Variants in RNF126 observed in about 807,000 individuals in gnomAD.
RNF126 encodes ring finger protein 126.
In RNF126, 20 loss-of-function variants were observed where a neutral mutation model predicts 41.9. The ratio of observed to expected loss-of-function variants is 0.48; its 90% CI spans 0.34 to 0.69. The LOEUF (loss-of-function observed/expected upper bound fraction) is 0.69, where lower values mean the gene tolerates loss of function less well. Among genes scored for constraint, RNF126 ranks in the 30% least tolerant of loss-of-function variants. The probability of loss-of-function intolerance (pLI) is 0.01; values close to 1 mark genes in which losing one functional copy is unlikely to be tolerated. For missense variants in RNF126, 433 were observed against 460.6 expected (o/e 0.94, Z 0.55); for synonymous variants, 239 against 202.9 (o/e 1.18, Z -1.51).
chr19:654,126 A>C (rs1420054143), intron 1 of RNF126, among the ~76,000 whole-genome samples: 1 of 152,232 alleles, frequency 6.6e-6, no homozygotes, highest in Admixed American at 6.5e-5. Flanking sequence ...GCCCCCGCCC[A>C]CACCACGCCG....
chr19:655,621 C>G (rs550651721), intron 1 of RNF126, among the ~76,000 whole-genome samples: 114 of 152,072 alleles, frequency 7.5e-4, no homozygotes, highest in South Asian at 4.8e-3. Flanking sequence ...AAGACCCCGT[C>G]AGGCCTGCTG....
In RNF126 at chr19:647,898, G is replaced by A. The variant is rs749822416; in HGVS notation, c.*230C>T. The A allele has an allele frequency of 1.5e-6, 1 of 645,230 alleles. No homozygotes were observed. The highest frequency in any genetic ancestry group is 2.8e-6 in the Non-Finnish European group (1 of 361,748). The allele number at this position is 645,230 out of a possible 1,614,324, so 40.0% of individuals were successfully genotyped here. A position where few individuals can be genotyped will look rare whatever the true frequency, so the allele number is the denominator to read the frequency against. The stretch of plus-strand genomic sequence containing the variant: ...GCTGAACGTTTAGAGGGTGAGGTTA[G>A]ACAGAGGACGGGGAGGCTGGGGACG... On this transcript the variant is annotated 3_prime_UTR_variant, in exon 9 of 9. Transcript: ENST00000292363.
intron 1 of RNF126, among the ~76,000 whole-genome samples, chr19:656,990 C>A (rs28418740): frequency 2.0e-5 from 3 of 152,142 alleles, no homozygotes; most frequent in Non-Finnish European, 4.4e-5. Flanking sequence ...TAGCTCAGGG[C>A]TCAGGCTCTC....
At chr19:648,335 C>A (rs376778263) in intron 8 of RNF126, 37 bp downstream of exon 8, 7 of 224,338 alleles carry the variant, frequency 3.1e-5, no homozygotes, top group East Asian at 4.8e-4. Context: ...GGGAGGGCCG[C>A]GGTCGGGGTG....
In RNF126 at chr19:659,024, C is replaced by T. The variant is rs1452669714; in HGVS notation, c.75+4023G>A. On this transcript the variant is annotated intron_variant, in intron 1 of 8. Transcript: ENST00000292363. The surrounding 1 kb of genome is among the most constrained non-coding windows in gnomAD (Gnocchi z 4.9). ...AGGTTCCCGGGGTATTGCTGGTGCC[C>T]GATCACAACGCCAGGCTCCATGTTC... Among the ~76,000 whole-genome samples the T allele has an allele frequency of 2.0e-5, 3 of 152,276 alleles. No individual in the cohort carries two copies. Among genetic ancestry groups the T allele is most frequent in the East Asian group, 3.9e-4 (2 of 5,176 alleles).
chr19:652,419 C>T (rs1199854653), intron 2 of RNF126, 123 bp from the exon 3 acceptor site: 4 of 845,316 alleles, frequency 4.7e-6, no homozygotes, highest in Non-Finnish European at 7.3e-6. Context: ...TTCCCACCCG[C>T]CACCGCCCCA....
intron 1 of RNF126, among the ~76,000 whole-genome samples, chr19:660,334 AG>A (rs2030744202): frequency 6.6e-6 from 1 of 152,240 alleles, no homozygotes; most frequent in Non-Finnish European, 1.5e-5. Context: ...CCCAGAGCCC[AG>A]GACAGCAAAG....
intron 1 of RNF126, among the ~76,000 whole-genome samples, 173 bp from the exon 2 acceptor site, chr19:653,057 C>T (rs947880325): frequency 3.9e-5 from 6 of 152,184 alleles, no homozygotes; most frequent in Non-Finnish European, 5.9e-5. Flanking sequence ...GGGACCTGGC[C>T]TCTGCCAGCC....
intron 4 of RNF126, chr19:650,584 C>T (rs1470387467): frequency 8.0e-4 from 58 of 72,268 alleles, no homozygotes; most frequent in Middle Eastern, 0.013. Flanking sequence ...CTCTCGGCTA[C>T]TTTTTTTTTT....
At chr19:650,536 GC>G in intron 4 of RNF126, 1 of 310,940 alleles carries the variant, frequency 3.2e-6, no homozygotes, top group Non-Finnish European at 5.9e-6. Context: ...TCCCGCCTCA[GC>G]CTCCCAAGTA....
chr19:661,743 C>T (rs2030811648), intron 1 of RNF126, among the ~76,000 whole-genome samples: 1 of 152,216 alleles, frequency 6.6e-6, no homozygotes, highest in Admixed American at 6.5e-5. Context: ...TTGGACTTCT[C>T]TTACGGGTCA....
intron 2 of RNF126, chr19:652,615 G>C: frequency 1.6e-6 from 1 of 612,924 alleles, no homozygotes; most frequent in South Asian, 2.0e-5. Flanking sequence ...CGGCTGCACA[G>C]GTTGCCGGCA....
chr19:652,700 G>T lies in RNF126; in HGVS notation c.134+126C>A, dbSNP rs73503985. 222 of 837,690 alleles carry T rather than the reference G, an allele frequency of 2.7e-4. No homozygotes were observed. The African/African-American group carries it at 3.3e-3, about 12-fold the overall frequency. The allele number at this position is 837,690 out of a possible 1,614,324, so 51.9% of individuals were successfully genotyped here. On this transcript the variant is annotated intron_variant, in intron 2 of 8. Transcript: ENST00000292363. ...TGTCTGCACAGAGAAAAGTGCTCCCGGAGCCACAGACACCAGGGCCTGACG... is the reference window on the plus strand; with the variant it reads ...TGTCTGCACAGAGAAAAGTGCTCCCTGAGCCACAGACACCAGGGCCTGACG...
chr19:648,618 C>A, intron 7 of RNF126, 131 bp from the exon 8 acceptor site: 1 of 753,718 alleles, frequency 1.3e-6, no homozygotes, highest in Admixed American at 2.3e-5. Context: ...GTGTGTGTGT[C>A]CCCCGGGCTG....
chr19:652,802 CTCT>C (rs2078642756), intron 2 of RNF126, 21 bp downstream of exon 2: 1 of 1,610,950 alleles, frequency 6.2e-7, no homozygotes, highest in African/African-American at 1.3e-5. Flanking sequence ...CTCTTCCAGC[CTCT>C]TCAACAGGGG....
chr19:651,449 C>G (rs934351717), intron 4 of RNF126, 162 bp downstream of exon 4: 1 of 602,652 alleles, frequency 1.7e-6, no homozygotes, highest in South Asian at 3.4e-5. Context: ...TCCGAAGGGC[C>G]GTGTGGGGAG....
Position 652,238 on chromosome 19 carries a change from A to G in RNF126, c.193T>C (p.Leu65=), listed in dbSNP as rs11554788. The G allele has an allele frequency of 0.36, 556,604 of 1,530,236 alleles. 104,649 individuals carry two copies. The highest frequency in any genetic ancestry group is 0.47 in the Middle Eastern group (2,710 of 5,782). 94.8% of individuals were successfully genotyped at this position (1,530,236 alleles called of 1,614,324 possible). A position where few individuals can be genotyped will look rare whatever the true frequency, so the allele number is the denominator to read the frequency against. Residue 65 remains leucine, a synonymous_variant, in exon 3 of 9, where the codon TTG becomes CTG. Coordinates refer to ENST00000292363, the MANE Select transcript of RNF126 (RefSeq NM_194460.3). The part of the protein sequence containing the change: ...TAPTDQSRPP[L]EHVDQHLFTL... ...ACGAGGGGCGGGCGACTCACCTCCA[A>G]CGGTGGCCGGCTCTGGTCTGTGGGA...
At chr19:650,357 C>G in intron 4 of RNF126, 61 bp from the exon 5 acceptor site, 1 of 1,470,724 alleles carries the variant, frequency 6.8e-7, no homozygotes, top group Non-Finnish European at 9.3e-7. Flanking sequence ...AGGCGCCAGG[C>G]CTGCCAGGTC....
intron 5 of RNF126, 84 bp from the exon 6 acceptor site, chr19:649,832 C>T: frequency 8.8e-7 from 1 of 1,138,578 alleles, no homozygotes; most frequent in South Asian, 1.3e-5. Context: ...GGGGCCCAGG[C>T]TGGGGATGGG....
Sources: allele counts gnomAD v4.1 joint callset (sites outside exome capture counted in the v4.1 genomes callset), GRCh38; gene constraint gnomAD v4.1.1; non-coding constraint Gnocchi (gnomAD v3.1); transcripts MANE v1.5; gene names NCBI Gene and HGNC (gene_info 2026-07-23, HGNC 2026-07-21).